POR: variants seen among roughly 807,000 people sequenced by gnomAD.
POR encodes the protein NADPH--cytochrome P450 reductase.
In POR, 56 loss-of-function variants were observed where a neutral mutation model predicts 84.0. The ratio of observed to expected loss-of-function variants is 0.67; its 90% CI spans 0.54 to 0.83. The LOEUF (loss-of-function observed/expected upper bound fraction) is 0.83. Among genes scored for constraint, POR ranks in the 40% least tolerant of loss-of-function variants. The pLI, the probability that POR is intolerant of heterozygous loss-of-function variation, is 0.00. For missense variants in POR, 938 were observed against 944.3 expected (o/e 0.99, Z 0.09); for synonymous variants, 414 against 400.5 (o/e 1.03, Z -0.40).
chr7:75,937,726 G>A (rs1807768639), intron 1 of POR, among the ~76,000 whole-genome samples: 1 of 152,140 alleles, frequency 6.6e-6, no homozygotes, highest in South Asian at 2.1e-4. Context: ...AGGTTGCAGT[G>A]AGCCGAGATC....
chr7:75,963,900 C>A (rs1788056120), intron 2 of POR, among the ~76,000 whole-genome samples: 1 of 152,134 alleles, frequency 6.6e-6, no homozygotes, highest in South Asian at 2.1e-4. Flanking sequence ...GGCCTTGGGA[C>A]CTTCCAAGGG....
At position 75,983,784 on chromosome 7, in the gene POR, G is replaced by C. The variant is rs1469610345; in HGVS notation, c.994G>C (p.Ala332Pro). 1 of 1,612,360 alleles carries C rather than the reference G, an allele frequency of 6.2e-7. No individual in the cohort carries two copies. Among genetic ancestry groups the C allele is most frequent in the South Asian group, 1.1e-5 (1 of 91,064 alleles). The change falls in exon 10 of 16, where the codon GCT becomes CCT. Residue 332 changes from alanine (A) to proline (P), a missense_variant. Transcript: ENST00000461988. The stretch of plus-strand genomic sequence containing the variant: ...GGCTGTGTACCCAGCCAACGACTCT[G>C]CTCTCGTCAACCAGCTGGGCAAAAT...
At chr7:75,935,028 C>G (rs1326236728) in intron 1 of POR, among the ~76,000 whole-genome samples, 10 of 152,100 alleles carry the variant, frequency 6.6e-5, no homozygotes, top group Admixed American at 6.5e-4. Context: ...CCACTGTCCT[C>G]CAGACCCCGG....
intron 2 of POR, among the ~76,000 whole-genome samples, chr7:75,958,803 AC>A (rs775573850): frequency 8.8e-6 from 1 of 113,932 alleles, no homozygotes; most frequent in Non-Finnish European, 1.8e-5. Flanking sequence ...ACATAGGGAG[AC>A]CCCCACCCCC....
rs41295408 is a variant in POR at position 75,957,229 on chromosome 7, C to G, written c.188+3049C>G. 6.0e-3 allele frequency among the ~76,000 whole-genome samples: 917 copies of G among 152,246 alleles called. 11 individuals carry two copies. The highest frequency in any genetic ancestry group is 0.021 in the African/African-American group (870 of 41,536). On this transcript the variant is annotated intron_variant, in intron 2 of 15. Coordinates refer to ENST00000461988, the MANE Select transcript of POR (RefSeq NM_000941.3). ...AGAAGGAATTGGTGTGGGGATCAGA[C>G]CAAGTCCTGCAGGAGGGGTGTTGGG...
chr7:75,947,657 C>T (rs1202500143), intron 1 of POR, among the ~76,000 whole-genome samples: 3 of 152,228 alleles, frequency 2.0e-5, no homozygotes, highest in East Asian at 3.9e-4. Context: ...TTGTGTTGCA[C>T]GTGTCATAAT....
At chr7:75,943,812 C>A in intron 1 of POR, 1 of 502,946 alleles carries the variant, frequency 2.0e-6, no homozygotes. Flanking sequence ...GGTGGCTTCC[C>A]TGTAAATGCT....
chr7:75,979,595 G>C lies in POR; in HGVS notation c.366+16G>C. On this transcript the variant is annotated intron_variant, in intron 4 of 15. Coordinates refer to ENST00000461988, the MANE Select transcript of POR (RefSeq NM_000941.3). ...GTATGACCTGGTAAGCTGCCACCGC[G>C]TGCTGGCCCCAGATGGAGGCAGTGG... The C allele has an allele frequency of 6.2e-7, 1 of 1,612,254 alleles. No individual in the cohort carries two copies. The highest frequency in any genetic ancestry group is 8.5e-7 in the Non-Finnish European group (1 of 1,179,550).
chr7:75,952,770 G>A (rs1384037005), intron 1 of POR, among the ~76,000 whole-genome samples: 1 of 150,250 alleles, frequency 6.7e-6, no homozygotes, highest in African/African-American at 2.5e-5. Flanking sequence ...GGATGGCGGT[G>A]GAGAAGAGGC....
intron 1 of POR, among the ~76,000 whole-genome samples, chr7:75,929,507 G>A (rs1446905870): frequency 6.6e-6 from 1 of 152,102 alleles, no homozygotes; most frequent in Non-Finnish European, 1.5e-5. Flanking sequence ...TCCCACTTTG[G>A]CCTCCCAAAG....
intron 1 of POR, among the ~76,000 whole-genome samples, chr7:75,922,093 C>G (rs546887620): frequency 6.6e-6 from 1 of 152,242 alleles, no homozygotes; most frequent in African/African-American, 2.4e-5. Flanking sequence ...CTAATTCTCC[C>G]CTCCCTAGTG....
chr7:75,954,263 G>A (rs1787584474), intron 2 of POR, 83 bp downstream of exon 2: 1 of 1,400,106 alleles, frequency 7.1e-7, no homozygotes, highest in Non-Finnish European at 9.8e-7. Context: ...GCCTCAGGCT[G>A]AAAGAAGCAA....
chr7:75,963,303 G>A (rs936862691), intron 2 of POR, among the ~76,000 whole-genome samples: 8 of 152,194 alleles, frequency 5.3e-5, no homozygotes, highest in Admixed American at 3.3e-4. Flanking sequence ...GGGGCCCACT[G>A]CCTCCCGCTG....
chr7:75,947,930 C>T (rs1290276621), intron 1 of POR, among the ~76,000 whole-genome samples: 17 of 151,954 alleles, frequency 1.1e-4, no homozygotes, highest in African/African-American at 3.1e-4. Flanking sequence ...GTTTCTTAAC[C>T]CAGGGGCTCA....
intron 1 of POR, among the ~76,000 whole-genome samples, chr7:75,931,489 C>G (rs376962374): frequency 6.6e-6 from 1 of 151,940 alleles, no homozygotes; most frequent in African/African-American, 2.4e-5. Flanking sequence ...GCCTTAGCCT[C>G]CCGAGTAGCT....
At chr7:75,972,704 A>G in intron 3 of POR, 1 of 584,686 alleles carries the variant, frequency 1.7e-6, no homozygotes, top group South Asian at 1.9e-5. Context: ...GTCTAAGAAC[A>G]GACCCTCCCT....
chr7:75,977,209 A>AG (rs1788736535), intron 3 of POR, among the ~76,000 whole-genome samples: 1 of 152,150 alleles, frequency 6.6e-6, no homozygotes. Flanking sequence ...AGACTACTTT[A>AG]GGCATTTTAA....
chr7:75,986,498 C>T lies in POR; in HGVS notation c.*17C>T, dbSNP rs782475957. On this transcript the variant is annotated 3_prime_UTR_variant, in exon 16 of 16. Transcript: ENST00000461988. ...TGGAGCTAGGGGCCTGCCTGCCCCA[C>T]CCACCCCACAGACTCCGGCCTGTAA... The T allele has an allele frequency of 3.7e-6, 6 of 1,603,964 alleles. No individual in the cohort carries two copies. In the South Asian group the frequency reaches 6.6e-5, roughly 18 times the overall value.
intron 1 of POR, among the ~76,000 whole-genome samples, chr7:75,939,127 C>A (rs370918835): frequency 1.3e-5 from 2 of 152,232 alleles, no homozygotes; most frequent in African/African-American, 4.8e-5. Flanking sequence ...CATGTCTGCT[C>A]CTGCCTGAAC....
Sources: allele counts gnomAD v4.1 joint callset (sites outside exome capture counted in the v4.1 genomes callset), GRCh38; gene constraint gnomAD v4.1.1; transcripts MANE v1.5; gene names NCBI Gene and HGNC (gene_info 2026-07-23, HGNC 2026-07-21).